The following ADAMTS17 variants were observed in gnomAD, a reference collection of about 807,000 sequenced individuals.
The protein encoded by ADAMTS17 is A disintegrin and metalloproteinase with thrombospondin motifs 17.
In ADAMTS17, 113 loss-of-function variants were observed where a neutral mutation model predicts 141.5. The observed-to-expected ratio is 0.80, with a 90% CI of 0.69 to 0.93. The LOEUF (loss-of-function observed/expected upper bound fraction) is 0.93, where lower values mean the gene tolerates loss of function less well. Among genes scored for constraint, ADAMTS17 ranks in the 40% least tolerant of loss-of-function variants. The pLI is 0.00. For missense variants in ADAMTS17, 1,659 were observed against 1,517.9 expected, an observed-to-expected ratio of 1.09 and a Z score of -1.54; for synonymous variants, 768 against 630.6, an observed-to-expected ratio of 1.22 and a Z score of -3.27.
chr15:100,072,559 C>A lies in ADAMTS17; in HGVS notation c.2138-18505G>T, dbSNP rs138728561. Among the ~76,000 whole-genome samples the A allele has an allele frequency of 9.5e-3, 1,436 of 151,522 alleles. 26 individuals carry two copies. Among genetic ancestry groups the A allele is most frequent in the African/African-American group, 0.033 (1,385 of 41,360 alleles). The stretch of plus-strand genomic sequence containing the variant: ...GCATGGTACTGGTACCAAAACAGAG[C>A]TATAGACCAATGGAATAGAACAGAG... On this transcript the variant is annotated intron_variant, in intron 15 of 21. Coordinates refer to ENST00000268070, the MANE Select transcript of ADAMTS17 (RefSeq NM_139057.4).
intron 3 of ADAMTS17, among the ~76,000 whole-genome samples, chr15:100,311,826 A>C (rs2045415098): frequency 6.7e-6 from 1 of 149,214 alleles, no homozygotes; most frequent in Non-Finnish European, 1.5e-5. Flanking sequence ...ATAAGTGAAA[A>C]AGGAAAAAAA....
intron 10 of ADAMTS17, among the ~76,000 whole-genome samples, chr15:100,144,582 G>A (rs909988859): frequency 6.6e-6 from 1 of 151,956 alleles, no homozygotes; most frequent in African/African-American, 2.4e-5. Context: ...CCTAATCACA[G>A]TGGCAGTCAC....
chr15:100,292,135 T>C (rs1021788348), intron 3 of ADAMTS17, among the ~76,000 whole-genome samples: 1 of 150,804 alleles, frequency 6.6e-6, no homozygotes, highest in African/African-American at 2.5e-5. Context: ...GCTCAGCCCG[T>C]GGGGAGTCAC....
intron 15 of ADAMTS17, among the ~76,000 whole-genome samples, chr15:100,078,729 C>A (rs554357135): frequency 6.6e-6 from 1 of 152,112 alleles, no homozygotes; most frequent in Non-Finnish European, 1.5e-5. Flanking sequence ...TGGATTGCAT[C>A]AAAACTGAAA....
chr15:100,048,738 CAAT>C, intron 18 of ADAMTS17, 116 bp downstream of exon 18: 3 of 1,477,244 alleles, frequency 2.0e-6, no homozygotes, highest in Non-Finnish European at 9.3e-7. Context: ...CTCTCATCAA[CAAT>C]AACGGAACAC....
chr15:99,974,454 G>A lies in ADAMTS17; in HGVS notation c.3236C>T (p.Thr1079Ile). ...DMRWYQRCCQ[T>I]CRDFYANKMR... Reference sequence around the variant, plus strand: ...CTTGTTTGCATAGAAGTCCCTGCAGGTCTGGCAGCAGCGCTGGTACCACCG... The same window carrying A: ...CTTGTTTGCATAGAAGTCCCTGCAGATCTGGCAGCAGCGCTGGTACCACCG... Residue 1079 changes from threonine to isoleucine, a missense_variant, in exon 22 of 22, where the codon ACC (threonine) becomes ATC (isoleucine). Coordinates refer to ENST00000268070, the MANE Select transcript of ADAMTS17 (RefSeq NM_139057.4). 4 of 1,614,242 alleles carry A rather than the reference G, an allele frequency of 2.5e-6. No individual in the cohort carries two copies. Among genetic ancestry groups the A allele is most frequent in the South Asian group, 2.2e-5 (2 of 91,082 alleles).
At chr15:100,124,223 C>T (rs147866156) in intron 12 of ADAMTS17, among the ~76,000 whole-genome samples, 1,817 of 152,288 alleles carry the variant, frequency 0.012, 16 homozygotes, top group Non-Finnish European at 0.02. Context: ...GCCTTGGCCT[C>T]CCAAAGCGCT....
At chr15:100,112,704 C>CT (rs1350973314) in intron 13 of ADAMTS17, among the ~76,000 whole-genome samples, 6 of 152,304 alleles carry the variant, frequency 3.9e-5, no homozygotes, top group African/African-American at 1.2e-4. Context: ...AACGTGCCAC[C>CT]TGCATGGCTG....
intron 6 of ADAMTS17, among the ~76,000 whole-genome samples, chr15:100,255,986 G>A (rs186838310): frequency 1.3e-5 from 2 of 152,342 alleles, no homozygotes; most frequent in Admixed American, 1.3e-4. Context: ...GGCCTGTCTT[G>A]AAAAGGTCAG....
chr15:100,129,163 G>C (rs568398745), intron 12 of ADAMTS17: 1 of 152,180 alleles, frequency 6.6e-6, no homozygotes, highest in African/African-American at 2.4e-5. Context: ...CACCTGTTAT[G>C]AGATAAGACA....
intron 3 of ADAMTS17, among the ~76,000 whole-genome samples, chr15:100,314,138 T>C (rs1014808900): frequency 6.6e-6 from 1 of 152,242 alleles, no homozygotes; most frequent in Non-Finnish European, 1.5e-5. Context: ...TCTATACTAA[T>C]ATTTTGGGGA....
At chr15:100,151,209 C>T (rs72755231) in intron 10 of ADAMTS17, among the ~76,000 whole-genome samples, 2,088 of 152,238 alleles carry the variant, frequency 0.014, 21 homozygotes, top group East Asian at 0.04. Context: ...CCCTCGCAGG[C>T]GTGCTCCCCA....
chr15:99,997,380 C>T lies in ADAMTS17; in HGVS notation c.2796+5G>A, dbSNP rs2141345957. On this transcript the variant is annotated splice_donor_5th_base_variant and intron_variant, in intron 19 of 21. Coordinates refer to ENST00000268070, the MANE Select transcript of ADAMTS17 (RefSeq NM_139057.4). This position sits in a 1 kb window ranked among gnomAD's most constrained non-coding sequence, Gnocchi z 4.7. ...TGAGTCCTGGTGGCAAGCCCAGGCA[C>T]CCACCTGTGACCACTCAGACGCCTC... 1.2e-6 allele frequency: 2 copies of T among 1,613,654 alleles called. No homozygotes were observed. The highest frequency in any genetic ancestry group is 1.7e-6 in the Non-Finnish European group (2 of 1,179,998).
chr15:100,057,979 G>A (rs543017112), intron 15 of ADAMTS17, among the ~76,000 whole-genome samples: 16 of 152,098 alleles, frequency 1.1e-4, no homozygotes, highest in South Asian at 2.1e-4. Flanking sequence ...AGCTAATCAC[G>A]ATGAGGGCAG....
intron 4 of ADAMTS17, among the ~76,000 whole-genome samples, chr15:100,277,715 T>C (rs1385964158): frequency 6.6e-6 from 1 of 152,186 alleles, no homozygotes; most frequent in Middle Eastern, 3.2e-3. Context: ...GAAATGAGCA[T>C]CATCAAAAGT....
chr15:100,005,808 G>A (rs2061026375), intron 18 of ADAMTS17, among the ~76,000 whole-genome samples: 1 of 152,146 alleles, frequency 6.6e-6, no homozygotes, highest in African/African-American at 2.4e-5. Flanking sequence ...TCACAGTTTT[G>A]GAGGCCAGAA....
At chr15:100,294,605 G>A (rs1207505270) in intron 3 of ADAMTS17, among the ~76,000 whole-genome samples, 1 of 151,592 alleles carries the variant, frequency 6.6e-6, no homozygotes, top group Non-Finnish European at 1.5e-5. Context: ...CGACTCAGGA[G>A]GCTGAGGTCG....
At chr15:100,150,830 T>C (rs2141344167) in intron 10 of ADAMTS17, among the ~76,000 whole-genome samples, 1 of 152,170 alleles carries the variant, frequency 6.6e-6, no homozygotes, top group Admixed American at 6.5e-5. Flanking sequence ...TCTGGGGCCC[T>C]TTTCTCTGCC....
chr15:100,054,542 C>T (rs1283675389), intron 15 of ADAMTS17, among the ~76,000 whole-genome samples: 3 of 152,170 alleles, frequency 2.0e-5, no homozygotes, highest in African/African-American at 7.2e-5. Context: ...GGAGAAGAGC[C>T]CATCTCCAGC....
Sources: allele counts gnomAD v4.1 joint callset (sites outside exome capture counted in the v4.1 genomes callset), GRCh38; gene constraint gnomAD v4.1.1; non-coding constraint Gnocchi (gnomAD v3.1); transcripts MANE v1.5; gene names NCBI Gene and HGNC (gene_info 2026-07-23, HGNC 2026-07-21).